The following CAB39 variants were observed in gnomAD, a reference collection of about 807,000 sequenced individuals.
CAB39 encodes the protein calcium binding protein 39.
CAB39 carries 8 observed loss-of-function variants against 40.0 expected under a neutral mutation model. That is an observed-to-expected ratio of 0.20 (90% confidence interval 0.12 to 0.36). CAB39 has a LOEUF of 0.36. Ranked by LOEUF, CAB39 falls within the 10% of genes least tolerant of loss-of-function variation. The pLI, the probability that CAB39 is intolerant of heterozygous loss-of-function variation, is 1.00. For missense variants in CAB39, 270 were observed against 401.1 expected, an observed-to-expected ratio of 0.67 and a Z score of 2.79; for synonymous variants, 156 against 141.6, an observed-to-expected ratio of 1.10 and a Z score of -0.72.
intron 5 of CAB39, among the ~76,000 whole-genome samples, chr2:230,801,194 C>T (rs1005216957): frequency 1.3e-5 from 2 of 152,132 alleles, no homozygotes; most frequent in Non-Finnish European, 1.5e-5. Flanking sequence ...ACAGCCAAGA[C>T]AACATGTGAA....
intron 1 of CAB39, among the ~76,000 whole-genome samples, chr2:230,718,780 AG>A (rs2124849064): frequency 6.6e-6 from 1 of 152,294 alleles, no homozygotes; most frequent in African/African-American, 2.4e-5. Flanking sequence ...GGGAACACTG[AG>A]GCCCACCGTA....
At chr2:230,802,638 A>C (rs1449783204) in intron 5 of CAB39, among the ~76,000 whole-genome samples, 6 of 152,264 alleles carry the variant, frequency 3.9e-5, no homozygotes, top group Non-Finnish European at 8.8e-5. Flanking sequence ...ACCTCTATGC[A>C]AATAAACTAG....
intron 1 of CAB39, chr2:230,725,480 C>T: frequency 8.0e-7 from 1 of 1,242,838 alleles, no homozygotes; most frequent in Non-Finnish European, 1.2e-6. Context: ...CGGATACCTC[C>T]CGTTTAATCT....
Position 230,819,276 on chromosome 2 carries a change from CTCATAAGA to C in CAB39, c.*580_*587del, listed in dbSNP as rs1414379388. 6.6e-6 allele frequency: 1 copy of C among 152,506 alleles called. No homozygotes were observed. Among genetic ancestry groups the C allele is most frequent in the Non-Finnish European group, 1.5e-5 (1 of 68,076 alleles). 9.4% of individuals were successfully genotyped at this position (152,506 alleles called of 1,614,324 possible). A position where few individuals can be genotyped will look rare whatever the true frequency, so the allele number is the denominator to read the frequency against. ...CAACTTCTTAAAAGTGTAAAGAAGC[CTCATAAGA>C]TCATAAGGAAAATGTATATATGCTT... On this transcript the variant is annotated 3_prime_UTR_variant, in exon 9 of 9. Transcript: ENST00000258418.
intron 1 of CAB39, among the ~76,000 whole-genome samples, chr2:230,745,652 G>C (rs1348816924): frequency 6.6e-6 from 1 of 152,070 alleles, no homozygotes; most frequent in Non-Finnish European, 1.5e-5. Context: ...CGGGGCCAGA[G>C]TTTCGCGCTT....
chr2:230,735,133 C>T (rs942544856), intron 1 of CAB39, among the ~76,000 whole-genome samples: 12 of 151,970 alleles, frequency 7.9e-5, no homozygotes, highest in Non-Finnish European at 5.9e-5. Context: ...AATGTGGAAT[C>T]GCAGTTTACA....
chr2:230,720,802 A>G (rs1299355511), intron 1 of CAB39, among the ~76,000 whole-genome samples: 1 of 152,184 alleles, frequency 6.6e-6, no homozygotes, highest in East Asian at 1.9e-4. Context: ...TCCTGCTTTG[A>G]TGGCATATCA....
At chr2:230,816,125 T>A (rs1575966903) in intron 7 of CAB39, among the ~76,000 whole-genome samples, 1 of 152,114 alleles carries the variant, frequency 6.6e-6, no homozygotes, top group African/African-American at 2.4e-5. Flanking sequence ...AAAAATTAAT[T>A]AGCCAGGTGT....
At chr2:230,766,391 A>G (rs762365304) in intron 2 of CAB39, among the ~76,000 whole-genome samples, 29 of 152,224 alleles carry the variant, frequency 1.9e-4, no homozygotes, top group Non-Finnish European at 3.8e-4. Context: ...AGAGACTAGG[A>G]AGTACTACAG....
In CAB39 at chr2:230,739,721, C is replaced by T. The variant is rs536790343; in HGVS notation, c.-43-20238C>T. ...GTTGGTCAGGCTGGTCTTGAACTCC[C>T]GACCTCGGGTGATCCGCCCACCTCG... On this transcript the variant is annotated intron_variant, in intron 1 of 8. Transcript: ENST00000258418. Among the ~76,000 whole-genome samples the T allele has an allele frequency of 5.9e-5, 9 of 152,238 alleles. No individual in the cohort carries two copies. The South Asian group carries it at 8.3e-4, about 14-fold the overall frequency.
intron 4 of CAB39, among the ~76,000 whole-genome samples, chr2:230,797,156 G>A (rs1437596079): frequency 6.6e-6 from 1 of 152,186 alleles, no homozygotes; most frequent in Non-Finnish European, 1.5e-5. Context: ...ATGAATTAAT[G>A]TAGCAGTGGG....
At chr2:230,758,436 T>G (rs775606508) in intron 1 of CAB39, among the ~76,000 whole-genome samples, 1 of 152,192 alleles carries the variant, frequency 6.6e-6, no homozygotes, top group Non-Finnish European at 1.5e-5. Context: ...TATTTGGGGT[T>G]AGAGATTGGT....
At chr2:230,753,358 C>T (rs528376958) in intron 1 of CAB39, among the ~76,000 whole-genome samples, 2 of 152,196 alleles carry the variant, frequency 1.3e-5, no homozygotes, top group Non-Finnish European at 1.5e-5. Flanking sequence ...ATAGCAGGTA[C>T]GGATTGCCAC....
intron 4 of CAB39, among the ~76,000 whole-genome samples, chr2:230,793,947 A>G (rs988744348): frequency 6.6e-6 from 1 of 152,232 alleles, no homozygotes; most frequent in Non-Finnish European, 1.5e-5. Flanking sequence ...AAACCGAACC[A>G]TAGAACCAAA....
chr2:230,803,059 G>C (rs568770103), intron 5 of CAB39, among the ~76,000 whole-genome samples: 45 of 152,258 alleles, frequency 3.0e-4, no homozygotes, highest in African/African-American at 1.0e-3. Flanking sequence ...TATCCACCAC[G>C]ATCAAGTGGG....
At chr2:230,718,712 G>C (rs942765014) in intron 1 of CAB39, among the ~76,000 whole-genome samples, 10 of 152,116 alleles carry the variant, frequency 6.6e-5, no homozygotes, top group African/African-American at 2.2e-4. Flanking sequence ...GCTTTTCCAG[G>C]GGGGAGAAAC....
At chr2:230,738,806 G>C (rs1386737338) in intron 1 of CAB39, among the ~76,000 whole-genome samples, 1 of 152,196 alleles carries the variant, frequency 6.6e-6, no homozygotes, top group African/African-American at 2.4e-5. Flanking sequence ...TTGAAGGAGA[G>C]TGATTTTCCA....
chr2:230,755,571 A>AT (rs1423438330), intron 1 of CAB39, among the ~76,000 whole-genome samples: 1 of 151,732 alleles, frequency 6.6e-6, no homozygotes, highest in African/African-American at 2.4e-5. Context: ...GATTGTGAAG[A>AT]TTTTCTCCCA....
chr2:230,811,894 G>A (rs1167399347), intron 6 of CAB39, among the ~76,000 whole-genome samples: 1 of 152,188 alleles, frequency 6.6e-6, no homozygotes, highest in Non-Finnish European at 1.5e-5. Context: ...CAGTAAAATA[G>A]CTTCCTACAT....
Sources: allele counts gnomAD v4.1 joint callset (sites outside exome capture counted in the v4.1 genomes callset), GRCh38; gene constraint gnomAD v4.1.1; transcripts MANE v1.5; gene names NCBI Gene and HGNC (gene_info 2026-07-23, HGNC 2026-07-21).